The following MYO5B variants were observed in gnomAD, a reference collection of about 807,000 sequenced individuals.
The protein encoded by MYO5B is unconventional myosin-Vb.
In MYO5B, 143 loss-of-function variants were observed where a neutral mutation model predicts 229.3. The observed-to-expected ratio is 0.62, with a 90% CI of 0.54 to 0.72. The LOEUF is 0.72. Ranked by LOEUF, MYO5B falls within the 30% of genes least tolerant of loss-of-function variation. The pLI, the probability that MYO5B is intolerant of heterozygous loss-of-function variation, is 0.00. For missense variants in MYO5B, 2,321 were observed against 2,331.0 expected, an observed-to-expected ratio of 1.00 and a Z score of 0.09; for synonymous variants, 918 against 885.2, an observed-to-expected ratio of 1.04 and a Z score of -0.66.
chr18:50,065,939 A>G (rs1425561180), intron 1 of MYO5B, among the ~76,000 whole-genome samples: 2 of 151,984 alleles, frequency 1.3e-5, no homozygotes, highest in African/African-American at 4.8e-5. Flanking sequence ...CTCGCTAAGG[A>G]ACTGAAAGAG....
Position 49,872,417 on chromosome 18 carries a change from G to C in MYO5B, c.3538-185C>G, listed in dbSNP as rs56762682. ...TCAACACTCCAGCCTACCATGAAGT[G>C]TTCCATCAACACCTCCCTCCTGTCC... On this transcript the variant is annotated intron_variant, in intron 26 of 39. Transcript: ENST00000285039. Among the ~76,000 whole-genome samples, 12,157 of 151,588 alleles carry C rather than the reference G, an allele frequency of 0.08. 969 individuals carry two copies. Among genetic ancestry groups the C allele is most frequent in the East Asian group, 0.3 (1,521 of 5,124 alleles).
intron 4 of MYO5B, among the ~76,000 whole-genome samples, chr18:50,025,328 G>A (rs1223389619): frequency 3.3e-5 from 5 of 152,082 alleles, no homozygotes; most frequent in African/African-American, 4.8e-5. Context: ...CTCAAAGAAC[G>A]CAGTTTCCAC....
chr18:50,105,248 T>TAAA lies in MYO5B; in HGVS notation c.28-49873_28-49871dup, dbSNP rs142685025. Among the ~76,000 whole-genome samples the TAAA allele has an allele frequency of 2.4e-3, 318 of 131,648 alleles. 1 individual carries two copies. Among genetic ancestry groups the TAAA allele is most frequent in the African/African-American group, 8.4e-3 (293 of 34,914 alleles). The allele number at this position is 131,648 out of a possible 152,430, so 86.4% of individuals were successfully genotyped here. ...ATAAATAAATAAATAAATAAATAAATAAAAAATAGATAAAATAGCTGCTGA... is the reference window on the plus strand; with the variant it reads ...ATAAATAAATAAATAAATAAATAAATAAAAAAAAATAGATAAAATAGCTGCTGA... On this transcript the variant is annotated intron_variant, in intron 1 of 39. Coordinates refer to ENST00000285039, the MANE Select transcript of MYO5B (RefSeq NM_001080467.3).
intron 9 of MYO5B, among the ~76,000 whole-genome samples, chr18:49,977,144 G>C (rs1334966030): frequency 6.6e-6 from 1 of 152,110 alleles, no homozygotes; most frequent in Non-Finnish European, 1.5e-5. Flanking sequence ...CAGTGGGGCG[G>C]GGCTTGATTT....
At chr18:49,866,200 C>T (rs1271713495) in intron 27 of MYO5B, among the ~76,000 whole-genome samples, 1 of 151,908 alleles carries the variant, frequency 6.6e-6, no homozygotes, top group African/African-American at 2.4e-5. Flanking sequence ...TCCCGAGTAG[C>T]TGGGACTACA....
In MYO5B at chr18:49,841,399, A is replaced by C; in HGVS notation, c.4667T>G (p.Leu1556Arg). ...TSFWLSNTCR[L>R]LHCLKQYSGD... The stretch of plus-strand genomic sequence containing the variant: ...GCTGTACTGCTTCAGACAGTGAAGA[A>C]GGCGGCAGGTGTTGGATAACCAGAA... Residue 1556 changes from leucine (L) to arginine (R), a missense_variant, in exon 35 of 40, where the codon CTT becomes CGT. By Grantham distance (102) the Leu-to-Arg change is moderately radical. This residue lies in a region of MYO5B where 2,113 missense variants were observed against 2,044.7 expected (regional missense o/e 1.03). Transcript: ENST00000285039. The C allele has an allele frequency of 6.2e-7, 1 of 1,614,222 alleles. No homozygotes were observed. The highest frequency in any genetic ancestry group is 1.1e-5 in the South Asian group (1 of 91,082).
Position 49,836,748 on chromosome 18 carries a change from G to A in MYO5B, c.5276C>T (p.Ala1759Val). The A allele has an allele frequency of 6.2e-7, 1 of 1,614,172 alleles. No individual in the cohort carries two copies. The highest frequency in any genetic ancestry group is 8.5e-7 in the Non-Finnish European group (1 of 1,180,016). ...LKKKTQEDAE[A>V]ICSLCTSLST... is the part of the protein sequence containing the mutation. ...GAGGGAGGTACACAGGGAGCAGATA[G>A]CCTCTGCGTCCTCCTGGGTTTTCTT... The change falls in exon 38 of 40, where the codon GCT (alanine) becomes GTT (valine). Residue 1759 changes from alanine (A) to valine (V), a missense_variant. Ala to Val is a moderately conservative substitution (Grantham distance 64). Coordinates refer to ENST00000285039, the MANE Select transcript of MYO5B (RefSeq NM_001080467.3).
At chr18:50,149,467 G>A (rs1174602860) in intron 1 of MYO5B, among the ~76,000 whole-genome samples, 1 of 152,030 alleles carries the variant, frequency 6.6e-6, no homozygotes, top group Non-Finnish European at 1.5e-5. Context: ...AAACAGCATG[G>A]TACTGGTACC....
intron 14 of MYO5B, among the ~76,000 whole-genome samples, chr18:49,942,980 G>A (rs2025333438): frequency 1.3e-5 from 2 of 152,030 alleles, no homozygotes; most frequent in South Asian, 4.1e-4. Context: ...GTTCAACAAT[G>A]ATAGACTGGA....
intron 10 of MYO5B, among the ~76,000 whole-genome samples, chr18:49,969,289 G>A (rs556327393): frequency 3.2e-4 from 48 of 152,262 alleles, no homozygotes; most frequent in Middle Eastern, 3.4e-3. Flanking sequence ...CAGCTTTGAG[G>A]TTATTTATGT....
intron 1 of MYO5B, among the ~76,000 whole-genome samples, chr18:50,109,838 CTACAACATA>C (rs1237597348): frequency 6.6e-6 from 1 of 152,188 alleles, no homozygotes; most frequent in Non-Finnish European, 1.5e-5. Context: ...GCCCTCCATA[CTACAACATA>C]AACACCCAAA....
intron 1 of MYO5B, among the ~76,000 whole-genome samples, chr18:50,105,377 G>A (rs1326067080): frequency 6.6e-6 from 1 of 152,058 alleles, no homozygotes; most frequent in Non-Finnish European, 1.5e-5. Context: ...TTACCATCTG[G>A]AGTCTTAAAC....
chr18:50,064,648 A>G (rs565313621), intron 1 of MYO5B, among the ~76,000 whole-genome samples: 80 of 152,210 alleles, frequency 5.3e-4, no homozygotes, highest in Non-Finnish European at 9.8e-4. Context: ...TTTCCTCTTC[A>G]TCCAGTGGAT....
At chr18:49,925,398 T>A (rs2025117865) in intron 17 of MYO5B, among the ~76,000 whole-genome samples, 1 of 152,238 alleles carries the variant, frequency 6.6e-6, no homozygotes, top group South Asian at 2.1e-4. Flanking sequence ...TATGTCTCTC[T>A]AAAATGTATC....
At chr18:50,168,698 C>T (rs904831789) in intron 1 of MYO5B, among the ~76,000 whole-genome samples, 3 of 129,636 alleles carry the variant, frequency 2.3e-5, no homozygotes. Context: ...CAATCACCCT[C>T]CTCACTTTCT....
chr18:50,191,087 T>A (rs115679150), intron 1 of MYO5B, among the ~76,000 whole-genome samples: 2,058 of 152,316 alleles, frequency 0.014, 49 homozygotes, highest in African/African-American at 0.047. Context: ...GACTTCCCTG[T>A]GTAACTTATG....
chr18:49,894,140 A>G (rs909571711), intron 22 of MYO5B, among the ~76,000 whole-genome samples: 18 of 152,146 alleles, frequency 1.2e-4, no homozygotes, highest in African/African-American at 3.6e-4. Flanking sequence ...GCCTGCCCCA[A>G]TTTTGAAGTT....
chr18:50,038,835 A>G (rs2144387333), intron 3 of MYO5B, among the ~76,000 whole-genome samples: 1 of 152,316 alleles, frequency 6.6e-6, no homozygotes, highest in Middle Eastern at 3.4e-3. Context: ...AAATTTTAAA[A>G]GTCTCCTTTT....
intron 1 of MYO5B, among the ~76,000 whole-genome samples, chr18:50,090,516 C>T (rs1568102703): frequency 2.6e-5 from 4 of 152,106 alleles, no homozygotes; most frequent in African/African-American, 9.7e-5. Flanking sequence ...CAACTAACAC[C>T]CATGTGCTCC....
Sources: gnomAD v4.1 joint callset for allele counts (sites outside exome capture counted in the v4.1 genomes callset) on GRCh38, gnomAD v4.1.1 for gene constraint, gnomAD v4.1.1 regional missense constraint, MANE v1.5 for transcripts, NCBI Gene and HGNC (gene_info 2026-07-23, HGNC 2026-07-21) for gene names.